The following MRTFA variants were observed in gnomAD, a reference collection of about 807,000 sequenced individuals.
MRTFA encodes the protein myocardin-related transcription factor A.
A neutral mutation model predicts 83.5 loss-of-function variants in MRTFA; 20 were observed. The observed-to-expected ratio is 0.24, with a 90% CI of 0.17 to 0.35. The LOEUF (loss-of-function observed/expected upper bound fraction) is 0.35, where lower values mean the gene tolerates loss of function less well. Among genes scored for constraint, MRTFA ranks in the 10% least tolerant of loss-of-function variants. The pLI, the probability that MRTFA is intolerant of heterozygous loss-of-function variation, is 1.00. For synonymous variants in MRTFA, 659 were observed against 541.2 expected (o/e 1.22, Z -3.02); for missense variants, 1,200 against 1,224.7 (o/e 0.98, Z 0.30).
At chr22:40,587,379 T>G (rs2056046986) in intron 2 of MRTFA, 1 of 389,120 alleles carries the variant, frequency 2.6e-6, no homozygotes, top group Non-Finnish European at 5.0e-6. Flanking sequence ...TCATCTTCAT[T>G]AGAGACGATG....
chr22:40,443,555 A>C (rs1350650863), intron 4 of MRTFA, among the ~76,000 whole-genome samples: 1 of 151,534 alleles, frequency 6.6e-6, no homozygotes, highest in South Asian at 2.1e-4. Context: ...GGGTACAGAC[A>C]AAAAAAAGCC....
chr22:40,566,485 G>A (rs1295789066), intron 2 of MRTFA, among the ~76,000 whole-genome samples: 1 of 151,988 alleles, frequency 6.6e-6, no homozygotes, highest in Non-Finnish European at 1.5e-5. Context: ...CTCCCAAAGT[G>A]CTGGGATTAC....
intron 1 of MRTFA, among the ~76,000 whole-genome samples, chr22:40,629,067 AT>A (rs2056611943): frequency 6.6e-6 from 1 of 151,968 alleles, no homozygotes; most frequent in Admixed American, 6.6e-5. Context: ...AGGCAGGAGG[AT>A]TGCTGTGGCC....
chr22:40,481,446 G>A (rs1349260769), intron 3 of MRTFA, among the ~76,000 whole-genome samples: 3 of 152,174 alleles, frequency 2.0e-5, no homozygotes, highest in Non-Finnish European at 4.4e-5. Flanking sequence ...AACATGGACA[G>A]ATGAGGTCCC....
At chr22:40,524,354 A>G (rs1405473192) in intron 3 of MRTFA, among the ~76,000 whole-genome samples, 4 of 152,236 alleles carry the variant, frequency 2.6e-5, no homozygotes. Context: ...CCACCATTTT[A>G]TGCCTACAAC....
chr22:40,635,053 T>C (rs1054345646), intron 1 of MRTFA, among the ~76,000 whole-genome samples: 2 of 152,204 alleles, frequency 1.3e-5, no homozygotes, highest in African/African-American at 4.8e-5. Context: ...GCAGGTGTTT[T>C]TAAAGAACGC....
chr22:40,485,988 C>G (rs1285510620), intron 3 of MRTFA, among the ~76,000 whole-genome samples: 1 of 152,170 alleles, frequency 6.6e-6, no homozygotes, highest in Non-Finnish European at 1.5e-5. Context: ...ACCTGGCAGG[C>G]CTTCGAAGGT....
intron 3 of MRTFA, among the ~76,000 whole-genome samples, chr22:40,498,175 T>G (rs1300101359): frequency 6.8e-6 from 1 of 146,796 alleles, no homozygotes; most frequent in East Asian, 2.1e-4. Context: ...TATTTACAAA[T>G]ATAGCATGCA....
In MRTFA at chr22:40,432,928, A is replaced by G. The variant is rs17001895; in HGVS notation, c.364-1448T>C. Among the ~76,000 whole-genome samples, 2,368 of 152,332 alleles carry G rather than the reference A, an allele frequency of 0.016. 312 individuals carry two copies. The East Asian group carries it at 0.33, about 21-fold the overall frequency. On this transcript the variant is annotated intron_variant, in intron 5 of 14. Transcript: ENST00000355630. Reference sequence around the variant, plus strand: ...CAGTGGAAGACTTATTCTCTAAGCCATCTGAAGCTCTGACCAGTGGCCATG... The same window carrying G: ...CAGTGGAAGACTTATTCTCTAAGCCGTCTGAAGCTCTGACCAGTGGCCATG...
At chr22:40,497,034 C>G (rs1356873542) in intron 3 of MRTFA, among the ~76,000 whole-genome samples, 1 of 152,154 alleles carries the variant, frequency 6.6e-6, no homozygotes, top group Non-Finnish European at 1.5e-5. Context: ...CTATCAAGTA[C>G]CAGGTGTTGT....
chr22:40,576,368 T>C (rs1164264842), intron 2 of MRTFA, among the ~76,000 whole-genome samples: 1 of 152,204 alleles, frequency 6.6e-6, no homozygotes, highest in Non-Finnish European at 1.5e-5. Flanking sequence ...CATCTCAGTA[T>C]ATGAATGAAA....
At chr22:40,528,303 A>C (rs557497565) in intron 3 of MRTFA, among the ~76,000 whole-genome samples, 7 of 152,258 alleles carry the variant, frequency 4.6e-5, no homozygotes, top group African/African-American at 1.7e-4. Context: ...GAAAACCAAG[A>C]TCTTTGGGAA....
chr22:40,478,832 A>G lies in MRTFA; in HGVS notation c.242-15546T>C, dbSNP rs562262207. On this transcript the variant is annotated intron_variant, in intron 3 of 14. Coordinates refer to ENST00000355630, the MANE Select transcript of MRTFA (RefSeq NM_020831.6). ...TGTACACCGAACCACACATGGACAC[A>G]CCTTTCATCTGAAGACCCTTAGATT... 2.5e-4 allele frequency among the ~76,000 whole-genome samples: 38 copies of G among 152,260 alleles called. 2 individuals carry two copies. Among genetic ancestry groups the G allele is most frequent in the African/African-American group, 8.4e-4 (35 of 41,522 alleles).
rs796746495 is a variant in MRTFA, at chr22:40,435,937, A to C, written c.308-383T>G. Among the ~76,000 whole-genome samples the C allele has an allele frequency of 4.7e-3, 555 of 118,088 alleles. 5 individuals carry two copies. Among genetic ancestry groups the C allele is most frequent in the Middle Eastern group, 0.029 (6 of 206 alleles). 77.5% of individuals were successfully genotyped at this position (118,088 alleles called of 152,430 possible). A position where few individuals can be genotyped will look rare whatever the true frequency, so the allele number is the denominator to read the frequency against. On this transcript the variant is annotated intron_variant, in intron 4 of 14. Transcript: ENST00000355630. ...GCAACAGAGCGAGAAACCGTCCCCCAAAAAAAAAAAAAAAAAATCACATTA... is the reference window on the plus strand; with the variant it reads ...GCAACAGAGCGAGAAACCGTCCCCCCAAAAAAAAAAAAAAAAATCACATTA...
chr22:40,432,339 T>A (rs1344927620), intron 5 of MRTFA, among the ~76,000 whole-genome samples: 1 of 152,202 alleles, frequency 6.6e-6, no homozygotes, highest in Non-Finnish European at 1.5e-5. Flanking sequence ...TCATTTTGAA[T>A]GGCTGCCAAA....
intron 4 of MRTFA, among the ~76,000 whole-genome samples, chr22:40,451,986 T>G (rs1267686675): frequency 8.6e-6 from 1 of 116,316 alleles, no homozygotes; most frequent in Non-Finnish European, 1.9e-5. Flanking sequence ...TTTTTTTTTT[T>G]TTTTTTTTTT....
At chr22:40,630,862 C>G (rs2056634519) in intron 1 of MRTFA, among the ~76,000 whole-genome samples, 1 of 152,186 alleles carries the variant, frequency 6.6e-6, no homozygotes. Flanking sequence ...GCCACAGTAC[C>G]AGGCCTATAC....
intron 6 of MRTFA, among the ~76,000 whole-genome samples, chr22:40,431,195 AAACT>A (rs2053062776): frequency 6.6e-6 from 1 of 152,204 alleles, no homozygotes; most frequent in African/African-American, 2.4e-5. Context: ...AGGCCAAGCC[AAACT>A]AACAGCATGT....
At chr22:40,466,377 C>A (rs2053812727) in intron 3 of MRTFA, among the ~76,000 whole-genome samples, 1 of 152,158 alleles carries the variant, frequency 6.6e-6, no homozygotes, top group Admixed American at 6.5e-5. Flanking sequence ...GATGAGGAAA[C>A]TAAGAATCAG....
Sources: gnomAD v4.1 joint callset for allele counts (sites outside exome capture counted in the v4.1 genomes callset) on GRCh38, gnomAD v4.1.1 for gene constraint, MANE v1.5 for transcripts, NCBI Gene and HGNC (gene_info 2026-07-23, HGNC 2026-07-21) for gene names.